The following ITFG1 variants were observed in gnomAD, a reference collection of about 807,000 sequenced individuals.
ITFG1 encodes integrin alpha FG-GAP repeat containing 1.
In ITFG1, 34 loss-of-function variants were observed where a neutral mutation model predicts 81.8. The observed-to-expected ratio is 0.42, with a 90% CI of 0.32 to 0.55. The LOEUF is 0.55. ITFG1 is among the 20% of genes least tolerant of loss of function. ITFG1 has a pLI of 0.17. For synonymous variants in ITFG1, 285 were observed against 270.6 expected (o/e 1.05, Z -0.52); for missense variants, 672 against 755.4 (o/e 0.89, Z 1.29).
At chr16:47,239,135 T>C (rs1047031027) in intron 12 of ITFG1, among the ~76,000 whole-genome samples, 2 of 152,132 alleles carry the variant, frequency 1.3e-5, no homozygotes, top group Non-Finnish European at 2.9e-5. Flanking sequence ...AGTGCCTTGA[T>C]CTTGGACTTC....
intron 14 of ITFG1, among the ~76,000 whole-genome samples, chr16:47,197,213 G>C (rs1293387692): frequency 6.6e-6 from 1 of 152,208 alleles, no homozygotes; most frequent in Non-Finnish European, 1.5e-5. Context: ...ATCTAGGAGA[G>C]ATTAAGAGTC....
chr16:47,376,973 A>C (rs1452930413), intron 6 of ITFG1, among the ~76,000 whole-genome samples: 2 of 150,724 alleles, frequency 1.3e-5, no homozygotes, highest in East Asian at 3.9e-4. Flanking sequence ...CCAAAAAAAA[A>C]AAAAAAAAAA....
At position 47,446,860 on chromosome 16, in the gene ITFG1, G is replaced by GT. The variant is rs1031489607; in HGVS notation, c.560+4535dup. 7.9e-4 allele frequency among the ~76,000 whole-genome samples: 119 copies of GT among 150,954 alleles called. 1 individual carries two copies. The highest frequency in any genetic ancestry group is 2.7e-3 in the African/African-American group (112 of 41,172). On this transcript the variant is annotated intron_variant, in intron 5 of 17. Transcript: ENST00000320640. The stretch of plus-strand genomic sequence containing the variant: ...ATACATGGATTTTTCAACTATACTG[G>GT]TTTTTTCTTTTTTTTTTTTTGAGAT...
intron 6 of ITFG1, among the ~76,000 whole-genome samples, chr16:47,427,213 ATGATCTATGC>A (rs1969034104): frequency 6.6e-6 from 1 of 152,334 alleles, no homozygotes; most frequent in Admixed American, 6.5e-5. Flanking sequence ...ACTGTAATGG[ATGATCTATGC>A]TGAGGAAAAC....
chr16:47,226,022 T>C (rs898230176), intron 13 of ITFG1, among the ~76,000 whole-genome samples: 1 of 152,216 alleles, frequency 6.6e-6, no homozygotes, highest in Non-Finnish European at 1.5e-5. Flanking sequence ...ATCTTGTTGG[T>C]CTCATAATGC....
At chr16:47,449,492 T>C (rs1056247523) in intron 5 of ITFG1, 1 of 152,244 alleles carries the variant, frequency 6.6e-6, no homozygotes, top group African/African-American at 2.4e-5. Flanking sequence ...ACCATGATAT[T>C]GTTAGACTAC....
chr16:47,390,949 T>C (rs558319795), intron 6 of ITFG1, among the ~76,000 whole-genome samples: 1 of 152,220 alleles, frequency 6.6e-6, no homozygotes, highest in East Asian at 1.9e-4. Context: ...TGTAATTCAA[T>C]TTTATATAAT....
chr16:47,223,633 C>T (rs1345153490), intron 13 of ITFG1, among the ~76,000 whole-genome samples: 1 of 152,094 alleles, frequency 6.6e-6, no homozygotes, highest in African/African-American at 2.4e-5. Context: ...TAAACTAGTT[C>T]AACCATTGTG....
chr16:47,219,028 A>G, intron 13 of ITFG1, 82 bp from the exon 14 acceptor site: 1 of 888,150 alleles, frequency 1.1e-6, no homozygotes, highest in Non-Finnish European at 1.7e-6. Flanking sequence ...TTCAAAGCAA[A>G]AAATTCTTAC....
chr16:47,342,331 A>C (rs1967794890), intron 8 of ITFG1, among the ~76,000 whole-genome samples: 1 of 152,170 alleles, frequency 6.6e-6, no homozygotes, highest in African/African-American at 2.4e-5. Context: ...CTTTCATAAT[A>C]TCTCTCAGAA....
intron 7 of ITFG1, among the ~76,000 whole-genome samples, chr16:47,372,995 G>A (rs960443621): frequency 7.2e-5 from 11 of 152,102 alleles, no homozygotes; most frequent in Non-Finnish European, 1.6e-4. Flanking sequence ...AATAATGAAG[G>A]CTCTGTTCAT....
chr16:47,312,376 T>G (rs1241901736), intron 9 of ITFG1: 1 of 152,172 alleles, frequency 6.6e-6, no homozygotes, highest in Non-Finnish European at 1.5e-5. Context: ...CAAGTCAAAT[T>G]ATATTAAAGA....
chr16:47,169,339 TC>T (rs1369932325), intron 14 of ITFG1, among the ~76,000 whole-genome samples: 2 of 152,210 alleles, frequency 1.3e-5, no homozygotes, highest in Non-Finnish European at 2.9e-5. Context: ...GGGATGTCTT[TC>T]CATTTATTAG....
intron 12 of ITFG1, among the ~76,000 whole-genome samples, chr16:47,257,856 G>A (rs529873482): frequency 3.3e-4 from 51 of 152,316 alleles, no homozygotes; most frequent in Non-Finnish European, 6.0e-4. Context: ...AGAGAGAAAT[G>A]TCTGATTCCT....
At chr16:47,441,463 T>A (rs1969249270) in intron 5 of ITFG1, among the ~76,000 whole-genome samples, 1 of 151,970 alleles carries the variant, frequency 6.6e-6, no homozygotes, top group South Asian at 2.1e-4. Flanking sequence ...CAACAACACA[T>A]CAAAAAGCTT....
chr16:47,170,214 T>A (rs1382748403), intron 14 of ITFG1, among the ~76,000 whole-genome samples: 1 of 152,180 alleles, frequency 6.6e-6, no homozygotes, highest in Non-Finnish European at 1.5e-5. Context: ...AGGGAGTATT[T>A]GCTTTTCTAG....
intron 8 of ITFG1, among the ~76,000 whole-genome samples, chr16:47,359,440 T>G (rs1968081824): frequency 6.6e-6 from 1 of 152,188 alleles, no homozygotes; most frequent in South Asian, 2.1e-4. Flanking sequence ...GAAATCAGTC[T>G]TCTTTTTCTC....
chr16:47,455,777 CAAAAA>C (rs1325999369), intron 2 of ITFG1, among the ~76,000 whole-genome samples: 2 of 46,276 alleles, frequency 4.3e-5, no homozygotes, highest in Admixed American at 2.5e-4. Flanking sequence ...CATCCCCCAC[CAAAAA>C]AAAAAAAAAA....
chr16:47,371,239 G>A (rs1451908037), intron 7 of ITFG1, among the ~76,000 whole-genome samples: 6 of 152,218 alleles, frequency 3.9e-5, no homozygotes, highest in Non-Finnish European at 7.3e-5. Context: ...GCAGGAATAA[G>A]TTAGTCCTTC....
Sources: gnomAD v4.1 joint callset for allele counts (sites outside exome capture counted in the v4.1 genomes callset) on GRCh38, gnomAD v4.1.1 for gene constraint, MANE v1.5 for transcripts, NCBI Gene and HGNC (gene_info 2026-07-23, HGNC 2026-07-21) for gene names.